Variants in RBM8A observed in about 807,000 individuals in gnomAD.
The protein encoded by RBM8A is RNA-binding protein 8A.
In RBM8A, 8 loss-of-function variants were observed where a neutral mutation model predicts 25.1. The ratio of observed to expected loss-of-function variants is 0.32; its 90% confidence interval spans 0.19 to 0.58. The LOEUF is 0.58. Ranked by LOEUF, RBM8A falls within the 20% of genes least tolerant of loss-of-function variation. The pLI is 0.88. For missense variants in RBM8A, 114 were observed against 236.8 expected, an observed-to-expected ratio of 0.48 and a Z score of 3.40; for synonymous variants, 66 against 80.0, an observed-to-expected ratio of 0.82 and a Z score of 0.94.
chr1:145,925,773 C>G lies in RBM8A; in HGVS notation c.*109G>C, dbSNP rs113989026. 1.7e-3 allele frequency: 2,184 copies of G among 1,302,662 alleles called. 19 individuals are homozygous for G. The African/African-American group carries it at 0.018, about 11-fold the overall frequency. 80.7% of individuals were successfully genotyped at this position (1,302,662 alleles called of 1,614,324 possible). A position where few individuals can be genotyped will look rare whatever the true frequency, so the allele number is the denominator to read the frequency against. On this transcript the variant is annotated 3_prime_UTR_variant, in exon 6 of 6. Coordinates refer to ENST00000583313, the MANE Select transcript of RBM8A (RefSeq NM_005105.5). ...TCGCAACTCAAATACTACGCATATA[C>G]GGTAAGAGATTAAATATAAACACAG... is the stretch of plus-strand genomic sequence containing the variant.
In RBM8A at chr1:145,924,030, C is replaced by A. The variant is rs1647958994; in HGVS notation, c.*1852G>T. 2 of 656,528 alleles carry A rather than the reference C, an allele frequency of 3.0e-6. No individual in the cohort carries two copies. The highest frequency in any genetic ancestry group is 2.3e-5 in the Admixed American group (1 of 43,010). The allele number at this position is 656,528 out of a possible 1,614,324, so 40.7% of individuals were successfully genotyped here. ...TCTTTAACATGGCACCATGGATGAA[C>A]TGTTTCTCAGCACTGTGCTGCTTCA... On this transcript the variant is annotated 3_prime_UTR_variant, in exon 6 of 6. Transcript: ENST00000583313.
chr1:145,926,012 C>A, intron 5 of RBM8A, 29 bp downstream of exon 5: 1 of 1,614,190 alleles, frequency 6.2e-7, no homozygotes, highest in South Asian at 1.1e-5. Context: ...TTCCCTTCAC[C>A]CAGACAGTAT....
At position 145,925,781 on chromosome 1, in the gene RBM8A, G is replaced by A. The variant is rs1048870; in HGVS notation, c.*101C>T. ...CAAATACTACGCATATACGGTAAGAGATTAAATATAAACACAGCAAGTTCC... is the reference window on the plus strand; with the variant it reads ...CAAATACTACGCATATACGGTAAGAAATTAAATATAAACACAGCAAGTTCC... On this transcript the variant is annotated 3_prime_UTR_variant, in exon 6 of 6. Transcript: ENST00000583313. The A allele has an allele frequency of 3.5e-4, 476 of 1,355,248 alleles. 1 individual carries two copies. In the African/African-American group the frequency reaches 6.2e-3, roughly 18 times the overall value. 84.0% of individuals were successfully genotyped at this position (1,355,248 alleles called of 1,614,324 possible). A position where few individuals can be genotyped will look rare whatever the true frequency, so the allele number is the denominator to read the frequency against.
rs1207239687 is a variant in RBM8A, at chr1:145,923,597, A to T, written c.*2285T>A. On this transcript the variant is annotated 3_prime_UTR_variant, in exon 6 of 6. Coordinates refer to ENST00000583313, the MANE Select transcript of RBM8A (RefSeq NM_005105.5). The stretch of plus-strand genomic sequence containing the variant: ...CTCTAAACAGAAATAGTTTTTACTG[A>T]TTCAGTTGGAAAACCCAGCAATTTA... 1.1e-5 allele frequency: 3 copies of T among 276,076 alleles called. No homozygotes were observed. Among genetic ancestry groups the T allele is most frequent in the Admixed American group, 9.4e-5 (2 of 21,254 alleles). 17.1% of individuals were successfully genotyped at this position (276,076 alleles called of 1,614,324 possible).
rs371179727 is a variant in RBM8A, at chr1:145,926,194, G to T, written c.343-17C>A. The T allele has an allele frequency of 6.2e-7, 1 of 1,610,838 alleles. No individual in the cohort carries two copies. The highest frequency in any genetic ancestry group is 1.7e-5 in the Admixed American group (1 of 59,910). ...AGTATACCCCTGGGGAAAGTGAAAA[G>T]ACAGATATGAAAACCCTCCTATTTC... On this transcript the variant is annotated splice_polypyrimidine_tract_variant and intron_variant, in intron 4 of 5. Transcript: ENST00000583313.
At chr1:145,926,247 T>A in intron 4 of RBM8A, 70 bp from the exon 5 acceptor site, 13 of 1,582,618 alleles carry the variant, frequency 8.2e-6, no homozygotes, top group Non-Finnish European at 1.1e-5. Context: ...ATCTTTTTCC[T>A]CAAATCTAAA....
At position 145,926,857 on chromosome 1, in the gene RBM8A, C is replaced by A; in HGVS notation, c.157G>T (p.Asp53Tyr). ...EEGSRARMREDYDSVEQDGDE... is the reference protein window; with the variant it reads ...EEGSRARMREYYDSVEQDGDE... The stretch of plus-strand genomic sequence containing the variant: ...CCATCCTGCTCCACGCTGTCATAAT[C>A]CTCACGCATCCGCGCTCGGGACCCC... Residue 53 changes from aspartate to tyrosine, a missense_variant, in exon 3 of 6, where the codon GAT becomes TAT. Asp to Tyr is a radical substitution (Grantham distance 160, BLOSUM62 -3). Around this residue, in one of 2 missense-constraint regions of RBM8A, gnomAD observed 102 missense variants for 182.7 expected, o/e 0.56. Coordinates refer to ENST00000583313, the MANE Select transcript of RBM8A (RefSeq NM_005105.5). 1 of 1,614,128 alleles carries A rather than the reference C, an allele frequency of 6.2e-7. No individual in the cohort carries two copies.
rs1553755293 is a variant in RBM8A at position 145,923,608 on chromosome 1, A to G, written c.*2274T>C. 2 of 295,050 alleles carry G rather than the reference A, an allele frequency of 6.8e-6. No individual in the cohort carries two copies. Among genetic ancestry groups the G allele is most frequent in the Non-Finnish European group, 1.3e-5 (2 of 159,350 alleles). The allele number at this position is 295,050 out of a possible 1,614,324, so 18.3% of individuals were successfully genotyped here. A position where few individuals can be genotyped will look rare whatever the true frequency, so the allele number is the denominator to read the frequency against. ...AATAGTTTTTACTGATTCAGTTGGA[A>G]AACCCAGCAATTTAACAAAAAGGGG... On this transcript the variant is annotated 3_prime_UTR_variant, in exon 6 of 6. Transcript: ENST00000583313.
Position 145,926,057 on chromosome 1 carries a change from G to C in RBM8A, c.463C>G (p.Pro155Ala). 1 of 1,614,144 alleles carries C rather than the reference G, an allele frequency of 6.2e-7. No homozygotes were observed. Among genetic ancestry groups the C allele is most frequent in the Non-Finnish European group, 8.5e-7 (1 of 1,180,034 alleles). Reference sequence around the variant, plus strand: ...TCATTTTACCTCCTCTTGCCTTTTGGTGGACCCCGAACAAAACACCAGTCA... The same window carrying C: ...TCATTTTACCTCCTCTTGCCTTTTGCTGGACCCCGAACAAAACACCAGTCA... The part of the protein sequence containing the change: ...SVDWCFVRGP[P>A]KGKRRGGRRR... The change falls in exon 5 of 6, where the codon CCA (proline) becomes GCA (alanine). Residue 155 changes from proline to alanine, a missense_variant. Physicochemically the swap from Pro to Ala is conservative, Grantham distance 27. Coordinates refer to ENST00000583313, the MANE Select transcript of RBM8A (RefSeq NM_005105.5).
chr1:145,923,540 A>G lies in RBM8A; in HGVS notation c.*2342T>C. The stretch of plus-strand genomic sequence containing the variant: ...TCAAATTAATAGTGACTCAATCTCC[A>G]TTACTGGAAAGCAGGCACTTTAACC... On this transcript the variant is annotated 3_prime_UTR_variant, in exon 6 of 6. Transcript: ENST00000583313. 1 of 194,394 alleles carries G rather than the reference A, an allele frequency of 5.1e-6. No homozygotes were observed. The highest frequency in any genetic ancestry group is 1.0e-5 in the Non-Finnish European group (1 of 95,366). 12.0% of individuals were successfully genotyped at this position (194,394 alleles called of 1,614,324 possible).
rs1453452186 is a variant in RBM8A at position 145,924,347 on chromosome 1, A to C, written c.*1535T>G. 2.0e-6 allele frequency: 1 copy of C among 495,320 alleles called. No homozygotes were observed. The highest frequency in any genetic ancestry group is 4.1e-6 in the Non-Finnish European group (1 of 244,074). 30.7% of individuals were successfully genotyped at this position (495,320 alleles called of 1,614,324 possible). On this transcript the variant is annotated 3_prime_UTR_variant, in exon 6 of 6. Transcript: ENST00000583313. ...TGTCCTCAGTGTGTCCAGGCCCCAG[A>C]CAAGGAAGGGGAGCCATGGTGAGAC...
In RBM8A at chr1:145,924,796, A is replaced by G. The variant is rs587677751; in HGVS notation, c.*1086T>C. On this transcript the variant is annotated 3_prime_UTR_variant, in exon 6 of 6. Coordinates refer to ENST00000583313, the MANE Select transcript of RBM8A (RefSeq NM_005105.5). ...AGAAGCTGAGTGTCTGAATTACAGT[A>G]TATTTTCTAAATTCCTAGCCCCTGC... is the stretch of plus-strand genomic sequence containing the variant. The G allele has an allele frequency of 1.4e-5, 5 of 354,282 alleles. No individual in the cohort carries two copies. Among genetic ancestry groups the G allele is most frequent in the East Asian group, 7.6e-5 (1 of 13,188 alleles). 21.9% of individuals were successfully genotyped at this position (354,282 alleles called of 1,614,324 possible).
Position 145,923,392 on chromosome 1 carries a change from A to G in RBM8A, c.*2490T>C, listed in dbSNP as rs1374695472. 1.3e-5 allele frequency: 2 copies of G among 153,106 alleles called. No homozygotes were observed. The highest frequency in any genetic ancestry group is 4.8e-5 in the African/African-American group (2 of 41,516). The allele number at this position is 153,106 out of a possible 1,614,324, so 9.5% of individuals were successfully genotyped here. A position where few individuals can be genotyped will look rare whatever the true frequency, so the allele number is the denominator to read the frequency against. On this transcript the variant is annotated 3_prime_UTR_variant, in exon 6 of 6. Coordinates refer to ENST00000583313, the MANE Select transcript of RBM8A (RefSeq NM_005105.5). ...GAGTAGCCTGATCGTAACTCCAAACAGTTCACAAAATTCTCTTAGGCTGAA... is the reference window on the plus strand; with the variant it reads ...GAGTAGCCTGATCGTAACTCCAAACGGTTCACAAAATTCTCTTAGGCTGAA...
At chr1:145,926,779 G>T (rs781948858) in intron 3 of RBM8A, 30 bp downstream of exon 3, 3 of 1,614,018 alleles carry the variant, frequency 1.9e-6, no homozygotes, top group Non-Finnish European at 2.5e-6. Flanking sequence ...CCACAGACAC[G>T]GATACCTCAC....
chr1:145,924,001 A>G lies in RBM8A; in HGVS notation c.*1881T>C, dbSNP rs1647957614. On this transcript the variant is annotated 3_prime_UTR_variant, in exon 6 of 6. Coordinates refer to ENST00000583313, the MANE Select transcript of RBM8A (RefSeq NM_005105.5). ...GATAGGATTTTCAAGATATATTTCC[A>G]ACTTCTTTAACATGGCACCATGGAT... 1 of 620,160 alleles carries G rather than the reference A, an allele frequency of 1.6e-6. No individual in the cohort carries two copies. The highest frequency in any genetic ancestry group is 2.8e-5 in the East Asian group (1 of 36,350). The allele number at this position is 620,160 out of a possible 1,614,324, so 38.4% of individuals were successfully genotyped here.
In RBM8A at chr1:145,927,043, T is replaced by C; in HGVS notation, c.102A>G (p.Lys34=). 2 of 1,614,144 alleles carry C rather than the reference T, an allele frequency of 1.2e-6. No individual in the cohort carries two copies. Among genetic ancestry groups the C allele is most frequent in the Non-Finnish European group, 1.7e-6 (2 of 1,180,018 alleles). Residue 34 remains lysine, a synonymous_variant, in exon 2 of 6, where the codon AAA becomes AAG. Coordinates refer to ENST00000583313, the MANE Select transcript of RBM8A (RefSeq NM_005105.5). The part of the protein sequence containing the change: ...SIHKLKEKAK[K]RKGRGFGSEE... ...CGGAGCCAAAGCCGCGACCCTTCCG[T>C]TTCTTCGCTTTTTCTTTCAGTTTGT...
chr1:145,923,834 A>G lies in RBM8A; in HGVS notation c.*2048T>C, dbSNP rs1647941844. 4 of 536,978 alleles carry G rather than the reference A, an allele frequency of 7.4e-6. No homozygotes were observed. The highest frequency in any genetic ancestry group is 6.0e-5 in the South Asian group (2 of 33,078). The allele number at this position is 536,978 out of a possible 1,614,324, so 33.3% of individuals were successfully genotyped here. A position where few individuals can be genotyped will look rare whatever the true frequency, so the allele number is the denominator to read the frequency against. ...ACAGACATACCAGGAAAATCATTTC[A>G]GCTAAAAATATGAGTGAGGTGGTAG... On this transcript the variant is annotated 3_prime_UTR_variant, in exon 6 of 6. Transcript: ENST00000583313.
chr1:145,926,362 T>C (rs868993501), intron 4 of RBM8A, 120 bp downstream of exon 4: 7 of 1,492,160 alleles, frequency 4.7e-6, no homozygotes, highest in Middle Eastern at 1.8e-4. Context: ...TGACAAAACA[T>C]AGATTTCCAA....
rs1217543896 is a variant in RBM8A, at chr1:145,923,527, T to C, written c.*2355A>G. ...AGCTTACCTTTTATCAAATTAATAG[T>C]GACTCAATCTCCATTACTGGAAAGC... On this transcript the variant is annotated 3_prime_UTR_variant, in exon 6 of 6. Transcript: ENST00000583313. 7.7e-5 allele frequency: 14 copies of C among 181,000 alleles called. No individual in the cohort carries two copies. The highest frequency in any genetic ancestry group is 1.3e-4 in the Non-Finnish European group (11 of 86,826). The allele number at this position is 181,000 out of a possible 1,614,324, so 11.2% of individuals were successfully genotyped here.
Sources: gnomAD v4.1 joint callset for allele counts on GRCh38, gnomAD v4.1.1 for gene constraint, gnomAD v4.1.1 regional missense constraint, MANE v1.5 for transcripts, NCBI Gene and HGNC (gene_info 2026-07-23, HGNC 2026-07-21) for gene names.